Variants in SORCS2 observed in about 807,000 individuals in gnomAD.
SORCS2 encodes sortilin related VPS10 domain containing receptor 2.
A neutral mutation model predicts 141.6 loss-of-function variants in SORCS2; 100 were observed. The observed-to-expected ratio is 0.71, with a 90% CI of 0.60 to 0.83. SORCS2 has a LOEUF of 0.83. Among genes scored for constraint, SORCS2 ranks in the 40% least tolerant of loss-of-function variants. The pLI is 0.00. For synonymous variants in SORCS2, 789 were observed against 676.9 expected, an observed-to-expected ratio of 1.17 and a Z score of -2.57; for missense variants, 1,646 against 1,560.2, an observed-to-expected ratio of 1.05 and a Z score of -0.93.
At chr4:7,585,964 C>T (rs773787709) in intron 3 of SORCS2, among the ~76,000 whole-genome samples, 2 of 152,210 alleles carry the variant, frequency 1.3e-5, no homozygotes, top group African/African-American at 2.4e-5. Flanking sequence ...TCATTTATCT[C>T]GCCTGGTTTT....
At chr4:7,435,889 G>A (rs1328118870) in intron 2 of SORCS2, among the ~76,000 whole-genome samples, 1 of 152,236 alleles carries the variant, frequency 6.6e-6, no homozygotes, top group African/African-American at 2.4e-5. Flanking sequence ...TTTGATGGCA[G>A]GGGGCTCCCC....
intron 1 of SORCS2, among the ~76,000 whole-genome samples, chr4:7,354,836 A>T (rs1355600187): frequency 6.6e-6 from 1 of 152,206 alleles, no homozygotes; most frequent in African/African-American, 2.4e-5. Flanking sequence ...CAGACTTGAC[A>T]TAATTTCTTG....
chr4:7,592,374 C>T (rs1045565400), intron 3 of SORCS2, among the ~76,000 whole-genome samples: 7 of 152,162 alleles, frequency 4.6e-5, no homozygotes, highest in South Asian at 4.1e-4. Context: ...AGGCTCTGAG[C>T]GTTGGTGTCC....
At chr4:7,490,210 G>A (rs1248874946) in intron 2 of SORCS2, among the ~76,000 whole-genome samples, 2 of 152,174 alleles carry the variant, frequency 1.3e-5, no homozygotes, top group East Asian at 1.9e-4. Flanking sequence ...TGCCTCTGAG[G>A]TGGCTTTGGG....
intron 1 of SORCS2, among the ~76,000 whole-genome samples, chr4:7,206,075 C>CA (rs1560110325): frequency 2.0e-5 from 3 of 152,030 alleles, no homozygotes; most frequent in Middle Eastern, 3.4e-3. Flanking sequence ...AAACAAAAAA[C>CA]AAAAAAACAA....
intron 2 of SORCS2, among the ~76,000 whole-genome samples, chr4:7,515,853 C>T (rs1732944479): frequency 6.7e-6 from 1 of 149,196 alleles, no homozygotes; most frequent in Admixed American, 6.6e-5. Context: ...GCCAGGAGAC[C>T]TCAGTTAAGA....
chr4:7,557,826 T>G lies in SORCS2; in HGVS notation c.648+26197T>G, dbSNP rs184232008. Among the ~76,000 whole-genome samples the G allele has an allele frequency of 8.8e-4, 134 of 152,304 alleles. 1 individual carries two copies. Among genetic ancestry groups the G allele is most frequent in the African/African-American group, 3.1e-3 (129 of 41,564 alleles). ...GGAGGAAATGGAAGTGGGGGCACGG[T>G]GCCCCATGCCGACGTGAAGAGTAGC... is the stretch of plus-strand genomic sequence containing the variant. On this transcript the variant is annotated intron_variant, in intron 3 of 26. Transcript: ENST00000507866.
chr4:7,623,639 G>T (rs908040279), intron 3 of SORCS2, among the ~76,000 whole-genome samples: 2 of 151,976 alleles, frequency 1.3e-5, no homozygotes, highest in Non-Finnish European at 2.9e-5. Context: ...CCATCCCACG[G>T]CGTCCTCGTT....
rs1162133949 is a variant in SORCS2 at position 7,740,475 on chromosome 4, C to A, written c.*211C>A. 3.4e-6 allele frequency: 2 copies of A among 580,508 alleles called. No individual in the cohort carries two copies. Among genetic ancestry groups the A allele is most frequent in the Non-Finnish European group, 6.2e-6 (2 of 323,768 alleles). The allele number at this position is 580,508 out of a possible 1,614,324, so 36.0% of individuals were successfully genotyped here. ...ACCCCCCGGGACTCCCCGGACATGG[C>A]CCTGCCCCTATGGGACACCAGGCCT... On this transcript the variant is annotated 3_prime_UTR_variant, in exon 27 of 27. Transcript: ENST00000507866.
intron 3 of SORCS2, among the ~76,000 whole-genome samples, chr4:7,622,743 A>G (rs1719284991): frequency 1.3e-5 from 2 of 152,164 alleles, no homozygotes; most frequent in South Asian, 4.1e-4. Flanking sequence ...CCAGAGCTTC[A>G]GGTCACAGTG....
intron 3 of SORCS2, among the ~76,000 whole-genome samples, chr4:7,614,997 C>G (rs945280134): frequency 6.6e-6 from 1 of 152,066 alleles, no homozygotes; most frequent in East Asian, 1.9e-4. Context: ...AGTGCTCCAC[C>G]CATCTGTTCA....
At position 7,316,928 on chromosome 4, in the gene SORCS2, T is replaced by C. The variant is rs577657316; in HGVS notation, c.481-79360T>C. Reference sequence around the variant, plus strand: ...AGGGATTTGAGTCTCTTGTGGCTTCTGGTTTTGTTACCAGAACCATCTCCC... The same window carrying C: ...AGGGATTTGAGTCTCTTGTGGCTTCCGGTTTTGTTACCAGAACCATCTCCC... On this transcript the variant is annotated intron_variant, in intron 1 of 26. Coordinates refer to ENST00000507866, the MANE Select transcript of SORCS2 (RefSeq NM_020777.3). 8.5e-5 allele frequency among the ~76,000 whole-genome samples: 13 copies of C among 152,324 alleles called. No homozygotes were observed. In the South Asian group the frequency reaches 2.7e-3, roughly 32 times the overall value.
rs1271057945 is a variant in SORCS2, at chr4:7,734,167, C to T, written c.3209-105C>T. 1.6e-4 allele frequency: 69 copies of T among 421,458 alleles called. 1 individual carries two copies. The highest frequency in any genetic ancestry group is 1.2e-3 in the Admixed American group (22 of 17,632). The allele number at this position is 421,458 out of a possible 1,614,324, so 26.1% of individuals were successfully genotyped here. On this transcript the variant is annotated intron_variant, in intron 24 of 26. Transcript: ENST00000507866. ...AGGCAGGGGACAAGCTGGGGATGGG[C>T]GGGGGACAGGCTGGGGACGGGTGGG...
intron 10 of SORCS2, among the ~76,000 whole-genome samples, chr4:7,683,209 G>T (rs1203750578): frequency 1.3e-5 from 2 of 151,990 alleles, no homozygotes; most frequent in African/African-American, 4.8e-5. Context: ...TCTGGGCTGA[G>T]CTGGGCAGCT....
At chr4:7,461,513 A>G (rs2109324000) in intron 2 of SORCS2, among the ~76,000 whole-genome samples, 1 of 152,376 alleles carries the variant, frequency 6.6e-6, no homozygotes, top group East Asian at 1.9e-4. Context: ...CTCACGCCGC[A>G]CTGTGCTGGG....
intron 2 of SORCS2, among the ~76,000 whole-genome samples, chr4:7,407,136 A>G (rs1725016674): frequency 1.3e-5 from 2 of 152,140 alleles, no homozygotes; most frequent in Admixed American, 1.3e-4. Context: ...CTATGTGCTG[A>G]TGAATTCTAT....
At chr4:7,205,872 C>A (rs1306952698) in intron 1 of SORCS2, among the ~76,000 whole-genome samples, 1 of 152,066 alleles carries the variant, frequency 6.6e-6, no homozygotes, top group Non-Finnish European at 1.5e-5. Flanking sequence ...GGTGAAACCC[C>A]GTCTCTACTA....
chr4:7,686,459 G>T (rs1383375125), intron 10 of SORCS2, among the ~76,000 whole-genome samples: 1 of 152,186 alleles, frequency 6.6e-6, no homozygotes, highest in Admixed American at 6.5e-5. Flanking sequence ...AGAAGGGAGA[G>T]TCCTGGAGCA....
chr4:7,553,900 T>G (rs953728393), intron 3 of SORCS2, among the ~76,000 whole-genome samples: 1 of 152,214 alleles, frequency 6.6e-6, no homozygotes, highest in African/African-American at 2.4e-5. Flanking sequence ...TTAGTTGATG[T>G]GAACTTGAAG....
Sources: gnomAD v4.1 joint callset for allele counts (sites outside exome capture counted in the v4.1 genomes callset) on GRCh38, gnomAD v4.1.1 for gene constraint, MANE v1.5 for transcripts, NCBI Gene and HGNC (gene_info 2026-07-23, HGNC 2026-07-21) for gene names.